LAMA1: variants seen among roughly 807,000 people sequenced by gnomAD.
LAMA1 encodes laminin subunit alpha-1.
A neutral mutation model predicts 348.7 loss-of-function variants in LAMA1; 219 were observed. That is an observed-to-expected ratio of 0.63 (90% confidence interval 0.56 to 0.70). The LOEUF is 0.70. LAMA1 is among the 30% of genes least tolerant of loss of function. The pLI, the probability that LAMA1 is intolerant of heterozygous loss-of-function variation, is 0.00. For synonymous variants in LAMA1, 1,487 were observed against 1,491.0 expected, an observed-to-expected ratio of 1.00 and a Z score of 0.06; for missense variants, 3,744 against 3,888.0, an observed-to-expected ratio of 0.96 and a Z score of 0.99.
chr18:6,980,320 G>C (rs972232814), intron 42 of LAMA1, among the ~76,000 whole-genome samples: 2 of 152,168 alleles, frequency 1.3e-5, no homozygotes, highest in African/African-American at 4.8e-5. Context: ...GTAGCTTGAT[G>C]CAAGTATTGT....
intron 36 of LAMA1, 134 bp downstream of exon 36, chr18:6,992,427 G>T (rs2057762784): frequency 1.1e-6 from 1 of 946,214 alleles, no homozygotes; most frequent in East Asian, 2.4e-5. Flanking sequence ...TGACCACAGG[G>T]CCCCTTCTCC....
At chr18:6,990,033 T>C (rs1481956474) in intron 36 of LAMA1, among the ~76,000 whole-genome samples, 1 of 152,164 alleles carries the variant, frequency 6.6e-6, no homozygotes, top group Non-Finnish European at 1.5e-5. Context: ...GTGCTGGGTT[T>C]TTTGTTTTGT....
intron 1 of LAMA1, among the ~76,000 whole-genome samples, chr18:7,117,113 G>C (rs1358198016): frequency 6.6e-6 from 1 of 152,176 alleles, no homozygotes; most frequent in African/African-American, 2.4e-5. Flanking sequence ...CCTTCTCGCC[G>C]CGTCTCTCCC....
rs78650910 is a variant in LAMA1 at position 7,069,514 on chromosome 18, C to T, written c.345+10461G>A. On this transcript the variant is annotated intron_variant, in intron 3 of 62. Transcript: ENST00000389658. ...GACGGGTGAGGCTGGTCTATCTTTC[C>T]CAAGTTGAATCTCTGCCAACCTGAG... Among the ~76,000 whole-genome samples, 1,421 of 152,242 alleles carry T rather than the reference C, an allele frequency of 9.3e-3. 14 individuals are homozygous for T. The highest frequency in any genetic ancestry group is 0.033 in the African/African-American group (1,354 of 41,540).
intron 32 of LAMA1, 62 bp downstream of exon 32, chr18:6,999,383 T>C: frequency 6.4e-7 from 1 of 1,563,164 alleles, no homozygotes; most frequent in Non-Finnish European, 8.8e-7. Flanking sequence ...CCGTCACCAC[T>C]TCTTTCCCGA....
rs2058029206 is a variant in LAMA1 at position 7,043,482 on chromosome 18, T to G, written c.977-77A>C. 3.4e-6 allele frequency: 4 copies of G among 1,173,210 alleles called. No homozygotes were observed. In the Admixed American group the frequency reaches 7.0e-5, roughly 20 times the overall value. 72.7% of individuals were successfully genotyped at this position (1,173,210 alleles called of 1,614,324 possible). On this transcript the variant is annotated intron_variant, in intron 7 of 62. Coordinates refer to ENST00000389658, the MANE Select transcript of LAMA1 (RefSeq NM_005559.4). Reference sequence around the variant, plus strand: ...AAAGAAAACTCTTAACCTCCCTAAGTAAGTTCTATGATTTTAGATTAAATT... The same window carrying G: ...AAAGAAAACTCTTAACCTCCCTAAGGAAGTTCTATGATTTTAGATTAAATT...
In LAMA1 at chr18:6,963,612, T is replaced by C. The variant is rs140491928; in HGVS notation, c.7337+1050A>G. The stretch of plus-strand genomic sequence containing the variant: ...CTCTGTGCCACATAAGAGGAGTCTA[T>C]GAAAGAACTTGACCTAAAGATAGAG... On this transcript the variant is annotated intron_variant, in intron 51 of 62. Coordinates refer to ENST00000389658, the MANE Select transcript of LAMA1 (RefSeq NM_005559.4). Among the ~76,000 whole-genome samples the C allele has an allele frequency of 3.4e-3, 523 of 152,300 alleles. 2 individuals are homozygous for C. Among genetic ancestry groups the C allele is most frequent in the African/African-American group, 0.012 (493 of 41,554 alleles).
chr18:7,072,758 G>A (rs946711818), intron 3 of LAMA1, among the ~76,000 whole-genome samples: 1 of 152,180 alleles, frequency 6.6e-6, no homozygotes. Context: ...ACCACCTACT[G>A]AGAAGAAGTG....
chr18:7,040,981 G>A (rs2058018017), intron 9 of LAMA1, among the ~76,000 whole-genome samples: 1 of 152,174 alleles, frequency 6.6e-6, no homozygotes, highest in Admixed American at 6.5e-5. Flanking sequence ...GGGGCCGGGA[G>A]AAGGGGCTGG....
rs188334670 is a variant in LAMA1, at chr18:6,997,545, G to T, written c.4806+197C>A. On this transcript the variant is annotated intron_variant, in intron 33 of 62. Coordinates refer to ENST00000389658, the MANE Select transcript of LAMA1 (RefSeq NM_005559.4). ...TGAGAGCTGTCCCACCGTGAAACAA[G>T]CTAGCGTGTGAGATAAGTAAGTAAG... Among the ~76,000 whole-genome samples the T allele has an allele frequency of 3.3e-5, 5 of 152,266 alleles. No individual in the cohort carries two copies. In the East Asian group the frequency reaches 7.7e-4, roughly 24 times the overall value.
At chr18:7,072,536 A>G (rs1227044067) in intron 3 of LAMA1, among the ~76,000 whole-genome samples, 1 of 152,190 alleles carries the variant, frequency 6.6e-6, no homozygotes, top group Non-Finnish European at 1.5e-5. Flanking sequence ...CTCGGCTGAG[A>G]ACCAAGAATA....
intron 1 of LAMA1, among the ~76,000 whole-genome samples, chr18:7,095,065 GTT>G (rs779909400): frequency 5.2e-5 from 6 of 114,684 alleles, no homozygotes; most frequent in Admixed American, 8.9e-5. Context: ...TCCCTTGACT[GTT>G]TTTTTTTTTT....
intron 46 of LAMA1, among the ~76,000 whole-genome samples, chr18:6,973,648 T>G (rs1403823554): frequency 6.6e-6 from 1 of 152,222 alleles, no homozygotes; most frequent in East Asian, 1.9e-4. Flanking sequence ...ATCCTTATTT[T>G]CTGTCCTTGA....
At chr18:6,943,757 C>T (rs917557955) in intron 61 of LAMA1, among the ~76,000 whole-genome samples, 7 of 147,774 alleles carry the variant, frequency 4.7e-5, no homozygotes, top group Admixed American at 1.4e-4. Flanking sequence ...GCAGGAAAAT[C>T]GCTTAAACCT....
At chr18:6,971,092 G>C (rs761744722) in intron 48 of LAMA1, among the ~76,000 whole-genome samples, 20 of 152,140 alleles carry the variant, frequency 1.3e-4, no homozygotes, top group Non-Finnish European at 2.9e-4. Context: ...CATTAGACAA[G>C]AGAAATTATA....
In LAMA1 at chr18:6,982,604, C is replaced by G. The variant is rs199917229; in HGVS notation, c.5797-14G>C. ...GGATTCTGAGAGCTGGAAAACAGAACCACTTAAGCGTGGTGAGAGCAGGGC... is the reference window on the plus strand; with the variant it reads ...GGATTCTGAGAGCTGGAAAACAGAAGCACTTAAGCGTGGTGAGAGCAGGGC... On this transcript the variant is annotated splice_polypyrimidine_tract_variant and intron_variant, in intron 40 of 62. Transcript: ENST00000389658. 4.3e-5 allele frequency: 69 copies of G among 1,611,766 alleles called. No individual in the cohort carries two copies. The African/African-American group carries it at 9.1e-4, about 21-fold the overall frequency.
intron 53 of LAMA1, chr18:6,959,949 T>C (rs1168538305): frequency 1.6e-5 from 4 of 253,342 alleles, no homozygotes; most frequent in East Asian, 2.0e-4. Flanking sequence ...TAATTTTTTT[T>C]CGACACATTG....
chr18:7,055,720 G>C (rs35481014), intron 3 of LAMA1, among the ~76,000 whole-genome samples: 2 of 152,116 alleles, frequency 1.3e-5, no homozygotes, highest in African/African-American at 2.4e-5. Flanking sequence ...TGTGTCAGAT[G>C]TTTTGGCTAT....
At chr18:7,078,100 ACAAAGAAGCTCTTTT>A (rs1240634767) in intron 3 of LAMA1, among the ~76,000 whole-genome samples, 5 of 150,106 alleles carry the variant, frequency 3.3e-5, no homozygotes, top group African/African-American at 1.2e-4. Context: ...AAACACAACA[ACAAAGAAGCTCTTTT>A]CAAAGAAGCT....
Sources: allele counts gnomAD v4.1 joint callset (sites outside exome capture counted in the v4.1 genomes callset), GRCh38; gene constraint gnomAD v4.1.1; transcripts MANE v1.5; gene names NCBI Gene and HGNC (gene_info 2026-07-23, HGNC 2026-07-21).